THEMIS2: variants seen among roughly 807,000 people sequenced by gnomAD.
THEMIS2 encodes protein THEMIS2.
THEMIS2 carries 29 observed loss-of-function variants against 46.8 expected under a neutral mutation model. The observed-to-expected ratio is 0.62, with a 90% CI of 0.46 to 0.84. The LOEUF is 0.84. Ranked by LOEUF, THEMIS2 falls within the 40% of genes least tolerant of loss-of-function variation. The pLI is 0.00. For synonymous variants in THEMIS2, 335 were observed against 349.1 expected (o/e 0.96, Z 0.45); for missense variants, 698 against 834.7 (o/e 0.84, Z 2.02).
At chr1:27,885,201 A>G (rs2089748181) in intron 4 of THEMIS2, 94 bp from the exon 5 acceptor site, 1 of 1,329,870 alleles carries the variant, frequency 7.5e-7, no homozygotes. Context: ...AGAGAGAAGC[A>G]GAGGAAGTGA....
chr1:27,880,164 G>A, intron 3 of THEMIS2, 110 bp downstream of exon 3: 2 of 1,287,484 alleles, frequency 1.6e-6, no homozygotes, highest in Non-Finnish European at 1.1e-6. Flanking sequence ...GGATCAGCTG[G>A]AACTTCAGGT....
intron 1 of THEMIS2, among the ~76,000 whole-genome samples, chr1:27,876,095 T>TG (rs1223097399): frequency 6.6e-6 from 1 of 151,808 alleles, no homozygotes; most frequent in African/African-American, 2.4e-5. Flanking sequence ...CTAGGAGGGC[T>TG]GGGTACCGGC....
chr1:27,886,147 A>C lies in THEMIS2; in HGVS notation c.*225A>C. The C allele has an allele frequency of 1.8e-6, 1 of 545,598 alleles. No homozygotes were observed. Among genetic ancestry groups the C allele is most frequent in the Non-Finnish European group, 3.3e-6 (1 of 304,476 alleles). The allele number at this position is 545,598 out of a possible 1,614,324, so 33.8% of individuals were successfully genotyped here. A position where few individuals can be genotyped will look rare whatever the true frequency, so the allele number is the denominator to read the frequency against. On this transcript the variant is annotated 3_prime_UTR_variant, in exon 6 of 6. Transcript: ENST00000373921. ...GTTTGGACCTAACATCTCGCACGTG[A>C]CTCCCTCAGCCTCAGAGCCTTGGGA...
At chr1:27,876,465 C>T in intron 1 of THEMIS2, 123 bp from the exon 2 acceptor site, 7 of 1,228,436 alleles carry the variant, frequency 5.7e-6, no homozygotes, top group Non-Finnish European at 8.0e-6. Context: ...CAGAGCAGGG[C>T]ATGCCAGGCA....
rs145452859 is a variant in THEMIS2, at chr1:27,880,335, C to T, written c.646+281C>T. 6.1e-3 allele frequency among the ~76,000 whole-genome samples: 927 copies of T among 152,294 alleles called. 9 individuals carry two copies. The highest frequency in any genetic ancestry group is 0.02 in the African/African-American group (829 of 41,570). ...GAGTAGCTGGGATTACAGGCGTGCA[C>T]CACCATGCCCGGCTAATTTTTTGTA... On this transcript the variant is annotated intron_variant, in intron 3 of 5. Transcript: ENST00000373921.
rs115738863 is a variant in THEMIS2, at chr1:27,884,784, G to A, written c.1720-511G>A. Reference sequence around the variant, plus strand: ...AACCTTGGCCCTGCTGTGGATCCCCGTGTGACCTTTGACAAGGCACACTTT... The same window carrying A: ...AACCTTGGCCCTGCTGTGGATCCCCATGTGACCTTTGACAAGGCACACTTT... On this transcript the variant is annotated intron_variant, in intron 4 of 5. Coordinates refer to ENST00000373921, the MANE Select transcript of THEMIS2 (RefSeq NM_001105556.3). 2.9e-3 allele frequency: 458 copies of A among 157,352 alleles called. 4 individuals carry two copies. Among genetic ancestry groups the A allele is most frequent in the African/African-American group, 0.01 (432 of 41,560 alleles). 9.7% of individuals were successfully genotyped at this position (157,352 alleles called of 1,614,324 possible).
At chr1:27,875,927 C>T (rs1472138112) in intron 1 of THEMIS2, among the ~76,000 whole-genome samples, 3 of 152,032 alleles carry the variant, frequency 2.0e-5, no homozygotes, top group Non-Finnish European at 4.4e-5. Context: ...TGGTCTCGAT[C>T]TCCTGATCTC....
chr1:27,874,599 T>C (rs939729143), intron 1 of THEMIS2, among the ~76,000 whole-genome samples: 9 of 151,230 alleles, frequency 6.0e-5, no homozygotes, highest in Admixed American at 2.0e-4. Context: ...CTGGGTAACA[T>C]ACTGAGACCG....
chr1:27,876,222 A>C (rs554563629), intron 1 of THEMIS2, among the ~76,000 whole-genome samples: 38 of 151,072 alleles, frequency 2.5e-4, no homozygotes, highest in African/African-American at 9.0e-4. Context: ...AGGCTCAGAG[A>C]GGGGGATTCA....
intron 4 of THEMIS2, chr1:27,884,199 T>C (rs933316680): frequency 1.2e-4 from 19 of 152,192 alleles, no homozygotes; most frequent in Admixed American, 9.2e-4. Flanking sequence ...AGAGGTCAAA[T>C]AGTTTACCTG....
At position 27,882,628 on chromosome 1, in the gene THEMIS2, G is replaced by C; in HGVS notation, c.1304G>C (p.Ser435Thr). ...CCTGGCAGTTTCGTGGAGGAGATGA[G>C]TGACAGCCGGCGCTACAGCCTGGCA... ...HFPGSFVEEM[S>T]DSRRYSLADL... Residue 435 changes from serine (S) to threonine (T), a missense_variant, in exon 4 of 6, where the codon AGT becomes ACT. Transcript: ENST00000373921. The surrounding 1 kb of genome is among the most constrained non-coding windows in gnomAD (Gnocchi z 7.6). The C allele has an allele frequency of 6.2e-7, 1 of 1,614,212 alleles. No individual in the cohort carries two copies. Among genetic ancestry groups the C allele is most frequent in the Non-Finnish European group, 8.5e-7 (1 of 1,180,038 alleles).
chr1:27,883,219 TTATCAG>T (rs1327060448), intron 4 of THEMIS2, among the ~76,000 whole-genome samples, 176 bp downstream of exon 4: 1 of 152,120 alleles, frequency 6.6e-6, no homozygotes, highest in African/African-American at 2.4e-5. Context: ...GTTGGCATGA[TTATCAG>T]TATCTTATGA....
At chr1:27,876,773 T>G in intron 2 of THEMIS2, 45 bp downstream of exon 2, 2 of 1,603,980 alleles carry the variant, frequency 1.2e-6, no homozygotes, top group South Asian at 2.2e-5. Context: ...GGCACTCTCC[T>G]GGCACACCCG....
chr1:27,879,739 T>C lies in THEMIS2; in HGVS notation c.331T>C (p.Phe111Leu), dbSNP rs41284294. 9.6e-3 allele frequency: 15,472 copies of C among 1,614,074 alleles called. 97 individuals are homozygous for C. The highest frequency in any genetic ancestry group is 0.011 in the Non-Finnish European group (13,205 of 1,179,986). The change falls in exon 3 of 6, where the codon TTC (phenylalanine) becomes CTC (leucine). Residue 111 changes from phenylalanine (F) to leucine (L), a missense_variant. Physicochemically the swap from Phe to Leu is conservative, Grantham distance 22. Coordinates refer to ENST00000373921, the MANE Select transcript of THEMIS2 (RefSeq NM_001105556.3). ...GAGCTCCAAGCAGCTGCCCACTTGC[T>C]TCATGTCGACCCACAGGATTGTCAC... ...TQSSKQLPTC[F>L]MSTHRIVTEG... is the part of the protein sequence containing the mutation.
In THEMIS2 at chr1:27,872,627, C is replaced by A. The variant is rs926087572; in HGVS notation, c.56C>A (p.Pro19Gln). The A allele has an allele frequency of 1.4e-6, 2 of 1,472,190 alleles. No homozygotes were observed. The highest frequency in any genetic ancestry group is 1.8e-4 in the Middle Eastern group (1 of 5,678). 91.2% of individuals were successfully genotyped at this position (1,472,190 alleles called of 1,614,324 possible). The change falls in exon 1 of 6, where the codon CCG becomes CAG. Residue 19 changes from proline to glutamine, a missense_variant. By Grantham distance (76) the Pro-to-Gln change is moderately conservative. Transcript: ENST00000373921. This position sits in a 1 kb window ranked among gnomAD's most constrained non-coding sequence, Gnocchi z 4.9. ...FVRALDPASL[P>Q]RVLRVCSGVY... Reference sequence around the variant, plus strand: ...CGCGCCTTGGACCCCGCCTCCCTCCCGCGCGTGCTGCGGGTCTGCTCGGGG... The same window carrying A: ...CGCGCCTTGGACCCCGCCTCCCTCCAGCGCGTGCTGCGGGTCTGCTCGGGG...
At chr1:27,885,170 C>T in intron 4 of THEMIS2, 125 bp from the exon 5 acceptor site, 1 of 1,023,870 alleles carries the variant, frequency 9.8e-7, no homozygotes, top group Non-Finnish European at 1.4e-6. Flanking sequence ...CTTGAGAGGT[C>T]ATAGCCTGAA....
At chr1:27,885,175 C>A in intron 4 of THEMIS2, 120 bp from the exon 5 acceptor site, 2 of 1,073,096 alleles carry the variant, frequency 1.9e-6, no homozygotes, top group Non-Finnish European at 2.7e-6. Context: ...GAGGTCATAG[C>A]CTGAAAAGGA....
At chr1:27,885,500 C>T (rs1488387742) in intron 5 of THEMIS2, 49 bp downstream of exon 5, 1 of 1,590,658 alleles carries the variant, frequency 6.3e-7, no homozygotes, top group Non-Finnish European at 8.5e-7. Context: ...TCTCCCCTCC[C>T]TACCTTGCTG....
chr1:27,873,882 T>C (rs545156934), intron 1 of THEMIS2, among the ~76,000 whole-genome samples: 2 of 152,002 alleles, frequency 1.3e-5, no homozygotes, highest in Admixed American at 6.5e-5. Flanking sequence ...GAGAAGGCCC[T>C]GACAGGGTGT....
Sources: allele counts gnomAD v4.1 joint callset (sites outside exome capture counted in the v4.1 genomes callset), GRCh38; gene constraint gnomAD v4.1.1; non-coding constraint Gnocchi (gnomAD v3.1); transcripts MANE v1.5; gene names NCBI Gene and HGNC (gene_info 2026-07-23, HGNC 2026-07-21).